The following ANXA4 variants were observed in gnomAD, a reference collection of about 807,000 sequenced individuals.
ANXA4 encodes annexin A4.
Under a neutral mutation model 49.8 loss-of-function variants are expected in ANXA4, and 39 were observed. The ratio of observed to expected loss-of-function variants is 0.78; its 90% CI spans 0.61 to 1.02. ANXA4 has a LOEUF of 1.02. Among genes scored for constraint, ANXA4 ranks in the 50% least tolerant of loss-of-function variants. The pLI is 0.00. For missense variants in ANXA4, 360 were observed against 410.1 expected, an observed-to-expected ratio of 0.88 and a Z score of 1.05; for synonymous variants, 134 against 152.5, an observed-to-expected ratio of 0.88 and a Z score of 0.89.
chr2:69,752,689 C>T (rs779908982), intron 1 of ANXA4, among the ~76,000 whole-genome samples: 47 of 152,216 alleles, frequency 3.1e-4, no homozygotes, highest in Non-Finnish European at 6.2e-4. Context: ...CGATGCAGCC[C>T]CCTCTGGCTA....
At position 69,662,134 on chromosome 2, in the gene ANXA4, A is replaced by G. The variant is rs2704442; in HGVS notation, n.766+8852A>G. On this transcript the variant is annotated intron_variant and non_coding_transcript_variant, in intron 2 of 3. Transcript: ENST00000418066. ...TTGGTGTTATCCAGCTGGCAGATGG[A>G]CCAGTCTGGAGAACTCACATATTGG... Among the ~76,000 whole-genome samples, 52 of 152,288 alleles carry G rather than the reference A, an allele frequency of 3.4e-4. 1 individual carries two copies. Among genetic ancestry groups the G allele is most frequent in the Admixed American group, 3.0e-3 (46 of 15,284 alleles).
At chr2:69,745,809 G>A (rs561635943) in intron 1 of ANXA4, among the ~76,000 whole-genome samples, 1 of 151,984 alleles carries the variant, frequency 6.6e-6, no homozygotes, top group South Asian at 2.1e-4. Context: ...GGGATTACAG[G>A]TGTGAGCCAC....
chr2:69,687,468 A>G (rs1677829772), intron 2 of ANXA4, among the ~76,000 whole-genome samples: 2 of 152,164 alleles, frequency 1.3e-5, no homozygotes, highest in Admixed American at 6.6e-5. Flanking sequence ...GGATCACTCC[A>G]CTGCACTTCA....
intron 3 of ANXA4, among the ~76,000 whole-genome samples, chr2:69,803,058 A>T (rs1356163278): frequency 6.7e-6 from 1 of 150,218 alleles, no homozygotes; most frequent in African/African-American, 2.5e-5. Flanking sequence ...AAAATTAGCC[A>T]GGCATGGTGG....
chr2:69,714,652 C>T (rs1297955799), intron 2 of ANXA4, among the ~76,000 whole-genome samples: 1 of 152,178 alleles, frequency 6.6e-6, no homozygotes, highest in African/African-American at 2.4e-5. Context: ...TGGGCCAGAT[C>T]CCAGAGCTGG....
intron 3 of ANXA4, among the ~76,000 whole-genome samples, chr2:69,722,511 A>C (rs923588745): frequency 4.6e-5 from 7 of 152,350 alleles, no homozygotes; most frequent in Middle Eastern, 3.4e-3. Flanking sequence ...GAAATAAGGC[A>C]GACGCAAAAG....
At chr2:69,668,065 A>G (rs1257455018) in intron 2 of ANXA4, among the ~76,000 whole-genome samples, 2 of 152,214 alleles carry the variant, frequency 1.3e-5, no homozygotes, top group East Asian at 3.8e-4. Context: ...AGGAATGTTC[A>G]GTAACAGGAG....
chr2:69,735,780 T>C (rs1356977416), intron 3 of ANXA4, among the ~76,000 whole-genome samples: 1 of 152,164 alleles, frequency 6.6e-6, no homozygotes, highest in Non-Finnish European at 1.5e-5. Context: ...TCATTTATTA[T>C]TATCTCTCAT....
intron 9 of ANXA4, chr2:69,816,691 A>G (rs1674008888): frequency 6.6e-6 from 1 of 152,268 alleles, no homozygotes; most frequent in Admixed American, 6.5e-5. Flanking sequence ...TCTGATAAAT[A>G]TAAACTTTGT....
chr2:69,718,747 A>G (rs1198509430), intron 2 of ANXA4, among the ~76,000 whole-genome samples: 2 of 148,076 alleles, frequency 1.4e-5, no homozygotes, highest in Non-Finnish European at 2.9e-5. Flanking sequence ...GCACACACAT[A>G]CATGCATACA....
intron 3 of ANXA4, among the ~76,000 whole-genome samples, chr2:69,792,827 T>A (rs757385379): frequency 3.9e-5 from 6 of 152,020 alleles, no homozygotes; most frequent in African/African-American, 7.2e-5. Context: ...GTTAGGTTGT[T>A]TTAATTATGT....
intron 1 of ANXA4, among the ~76,000 whole-genome samples, chr2:69,652,846 A>G (rs1676303065): frequency 6.6e-6 from 1 of 152,176 alleles, no homozygotes; most frequent in African/African-American, 2.4e-5. Context: ...GCGACAGAGC[A>G]AGATTTCGTC....
intron 2 of ANXA4, among the ~76,000 whole-genome samples, chr2:69,686,560 C>T (rs1192134988): frequency 6.6e-6 from 1 of 152,224 alleles, no homozygotes; most frequent in African/African-American, 2.4e-5. Flanking sequence ...TCAAGCGCTC[C>T]TCCCACCTCA....
intron 4 of ANXA4, among the ~76,000 whole-genome samples, chr2:69,805,069 A>AAG (rs1673385144): frequency 2.7e-5 from 4 of 150,066 alleles, no homozygotes; most frequent in African/African-American, 9.9e-5. Context: ...AAAAAAAAAA[A>AAG]AAAGAATAGC....
chr2:69,721,225 C>T (rs1165630670), intron 3 of ANXA4, among the ~76,000 whole-genome samples: 1 of 152,246 alleles, frequency 6.6e-6, no homozygotes, highest in Non-Finnish European at 1.5e-5. Flanking sequence ...TTTTTCATCT[C>T]TTACCCAGCC....
chr2:69,796,879 A>C (rs936296483), intron 3 of ANXA4, among the ~76,000 whole-genome samples: 2 of 152,042 alleles, frequency 1.3e-5, no homozygotes, highest in Non-Finnish European at 2.9e-5. Context: ...TTGCTAAGAG[A>C]GCTGAGTCAA....
At chr2:69,825,398 T>C in intron 12 of ANXA4, 58 bp from the exon 13 acceptor site, 1 of 1,456,126 alleles carries the variant, frequency 6.9e-7, no homozygotes, top group South Asian at 1.3e-5. Flanking sequence ...TAGATGACTT[T>C]GAACTGTGTG....
At chr2:69,753,031 A>G (rs112430506) in intron 1 of ANXA4, among the ~76,000 whole-genome samples, 1,919 of 152,196 alleles carry the variant, frequency 0.013, 48 homozygotes, top group African/African-American at 0.045. Flanking sequence ...GAGCTCTTTT[A>G]ATTTCTTAGG....
rs1413075042 is a variant in ANXA4 at position 69,722,413 on chromosome 2, T to C, written n.864+1542T>C. ...AATGGATCAGAATATGGTATGTATA[T>C]TCAATGGAATATTATTCAGCCATAT... On this transcript the variant is annotated intron_variant and non_coding_transcript_variant, in intron 3 of 3. Coordinates refer to the ANXA4 transcript ENST00000418066. Among the ~76,000 whole-genome samples, 6 of 152,240 alleles carry C rather than the reference T, an allele frequency of 3.9e-5. 1 individual carries two copies. In the South Asian group the frequency reaches 8.3e-4, roughly 21 times the overall value.
Sources: allele counts gnomAD v4.1 joint callset (sites outside exome capture counted in the v4.1 genomes callset), GRCh38; gene constraint gnomAD v4.1.1; transcripts MANE v1.5; gene names NCBI Gene and HGNC (gene_info 2026-07-23, HGNC 2026-07-21).